Variants in PDZD2 observed in about 807,000 individuals in gnomAD.
The protein encoded by PDZD2 is PDZ domain-containing protein 2.
PDZD2 carries 90 observed loss-of-function variants against 220.7 expected under a neutral mutation model. The observed-to-expected ratio is 0.41, with a 90% CI of 0.34 to 0.49. PDZD2 has a LOEUF of 0.49. PDZD2 is among the 20% of genes least tolerant of loss of function. The pLI, the probability that PDZD2 is intolerant of heterozygous loss-of-function variation, is 0.28. For missense variants in PDZD2, 3,174 were observed against 3,608.5 expected, an observed-to-expected ratio of 0.88 and a Z score of 3.08; for synonymous variants, 1,375 against 1,450.5, an observed-to-expected ratio of 0.95 and a Z score of 1.18.
intron 1 of PDZD2, among the ~76,000 whole-genome samples, chr5:31,776,626 T>TTTATTTA (rs1752670954): frequency 7.1e-6 from 1 of 141,068 alleles, no homozygotes; most frequent in African/African-American, 2.7e-5. Flanking sequence ...TTATTTTTTA[T>TTTATTTA]TTTATTTATT....
Position 32,069,645 on chromosome 5 carries a change from G to T in PDZD2, c.2528G>T (p.Gly843Val), listed in dbSNP as rs373796931. The T allele has an allele frequency of 2.7e-6, 4 of 1,480,292 alleles. No homozygotes were observed. Among genetic ancestry groups the T allele is most frequent in the Non-Finnish European group, 3.8e-6 (4 of 1,057,754 alleles). The allele number at this position is 1,480,292 out of a possible 1,614,324, so 91.7% of individuals were successfully genotyped here. A position where few individuals can be genotyped will look rare whatever the true frequency, so the allele number is the denominator to read the frequency against. Reference sequence around the variant, plus strand: ...AGCAAAGAGGCCAATTCCTCTCCTGGCTTAGGTACTGTAATCTCACATTTT... The same window carrying T: ...AGCAAAGAGGCCAATTCCTCTCCTGTCTTAGGTACTGTAATCTCACATTTT... The part of the protein sequence containing the change: ...QESKEANSSP[G>V]LGTPLKSPSL... Residue 843 changes from glycine (G) to valine (V), a missense_variant, in exon 15 of 25, where the codon GGC becomes GTC. By Grantham distance (109) the Gly-to-Val change is moderately radical. Around this residue, in one of 4 missense-constraint regions of PDZD2, gnomAD observed 1,861 missense variants for 2,001.0 expected, o/e 0.93. Transcript: ENST00000438447.
At chr5:32,100,839 A>C in intron 23 of PDZD2, 1 of 1,464,220 alleles carries the variant, frequency 6.8e-7, no homozygotes, top group Non-Finnish European at 9.2e-7. Context: ...CTTGGGCATA[A>C]AAGCATTTGC....
chr5:31,907,081 G>A (rs1051591683), intron 2 of PDZD2, among the ~76,000 whole-genome samples: 1 of 152,174 alleles, frequency 6.6e-6, no homozygotes, highest in Non-Finnish European at 1.5e-5. Flanking sequence ...GTGGATGATT[G>A]TTTTGTTGAC....
intron 2 of PDZD2, among the ~76,000 whole-genome samples, chr5:31,890,652 T>G (rs1444921884): frequency 6.6e-6 from 1 of 152,150 alleles, no homozygotes; most frequent in Non-Finnish European, 1.5e-5. Context: ...TGGCTTAACA[T>G]CTGGAATCTT....
chr5:31,847,420 G>A, intron 2 of PDZD2: 1 of 517,304 alleles, frequency 1.9e-6, no homozygotes, highest in Non-Finnish European at 3.6e-6. Context: ...CCAAATACAG[G>A]ATGAGAGTTC....
intron 21 of PDZD2, 42 bp downstream of exon 21, chr5:32,093,066 G>A (rs374978592): frequency 6.8e-6 from 7 of 1,030,506 alleles, no homozygotes; most frequent in South Asian, 1.3e-5. Flanking sequence ...AATTGCGGCC[G>A]CGTGAGTGCC....
At chr5:31,857,261 C>T (rs772573517) in intron 2 of PDZD2, among the ~76,000 whole-genome samples, 3 of 152,154 alleles carry the variant, frequency 2.0e-5, no homozygotes, top group Admixed American at 6.5e-5. Flanking sequence ...GAACTCTGTC[C>T]TCCTCCGCTT....
chr5:31,719,954 A>G (rs1350146878), intron 1 of PDZD2, among the ~76,000 whole-genome samples: 2 of 152,386 alleles, frequency 1.3e-5, no homozygotes, highest in East Asian at 1.9e-4. Flanking sequence ...CAGCTCCAGC[A>G]GAGGCAGAAT....
intron 1 of PDZD2, among the ~76,000 whole-genome samples, chr5:31,654,653 T>C (rs1745477502): frequency 6.6e-6 from 1 of 152,164 alleles, no homozygotes; most frequent in Admixed American, 6.5e-5. Flanking sequence ...TTGTTCGCTC[T>C]TTAAAAATCA....
Position 31,689,353 on chromosome 5 carries a change from A to ATATATATATATTTTTTT in PDZD2, c.-361+49917_-361+49918insATATATATATTTTTTTT. ...TACATATACATATATATATATATAT[A>ATATATATATATTTTTTT]TTTTTTTTTTTTTTTTTTTTAAGTC... On this transcript the variant is annotated intron_variant, in intron 1 of 24. Coordinates refer to ENST00000438447, the MANE Select transcript of PDZD2 (RefSeq NM_178140.4). 3.0e-3 allele frequency among the ~76,000 whole-genome samples: 106 copies of ATATATATATATTTTTTT among 35,092 alleles called. 2 individuals are homozygous for ATATATATATATTTTTTT. Among genetic ancestry groups the ATATATATATATTTTTTT allele is most frequent in the African/African-American group, 3.3e-3 (16 of 4,800 alleles). The allele number at this position is 35,092 out of a possible 152,430, so 23.0% of individuals were successfully genotyped here. A position where few individuals can be genotyped will look rare whatever the true frequency, so the allele number is the denominator to read the frequency against.
chr5:31,981,498 C>G (rs1458595974), intron 2 of PDZD2, among the ~76,000 whole-genome samples: 1 of 152,162 alleles, frequency 6.6e-6, no homozygotes, highest in Non-Finnish European at 1.5e-5. Flanking sequence ...TGGCCTCCTT[C>G]CAATGTAATG....
At chr5:32,002,083 G>T (rs767195812) in intron 5 of PDZD2, among the ~76,000 whole-genome samples, 1 of 152,130 alleles carries the variant, frequency 6.6e-6, no homozygotes, top group Non-Finnish European at 1.5e-5. Flanking sequence ...TTGCAAGATC[G>T]ATTGCTGATT....
chr5:31,689,230 G>A (rs1746996459), intron 1 of PDZD2, among the ~76,000 whole-genome samples: 1 of 141,264 alleles, frequency 7.1e-6, no homozygotes, highest in East Asian at 2.1e-4. Context: ...CAGCATGCCT[G>A]GCTAATGTTT....
At chr5:31,845,129 A>G (rs545602290) in intron 2 of PDZD2, among the ~76,000 whole-genome samples, 2 of 152,266 alleles carry the variant, frequency 1.3e-5, no homozygotes, top group East Asian at 3.9e-4. Flanking sequence ...ACTATCAAAC[A>G]TCTCCAGACA....
At chr5:31,966,723 T>C (rs1748795142) in intron 2 of PDZD2, among the ~76,000 whole-genome samples, 1 of 152,210 alleles carries the variant, frequency 6.6e-6, no homozygotes, top group African/African-American at 2.4e-5. Context: ...GAAAGAATTG[T>C]GAAGACAGAT....
At chr5:31,694,398 CAAACAAAA>C (rs938026693) in intron 1 of PDZD2, among the ~76,000 whole-genome samples, 1 of 145,980 alleles carries the variant, frequency 6.9e-6, no homozygotes, top group African/African-American at 2.7e-5. Context: ...TCTCAAAAAA[CAAACAAAA>C]AAACAAAAAA....
intron 1 of PDZD2, among the ~76,000 whole-genome samples, chr5:31,729,756 CAG>C (rs1211682090): frequency 2.0e-5 from 3 of 152,226 alleles, no homozygotes; most frequent in East Asian, 3.9e-4. Flanking sequence ...TCCAAGAGGA[CAG>C]AGAGTGTATC....
intron 18 of PDZD2, among the ~76,000 whole-genome samples, chr5:32,076,758 T>C (rs1741342005): frequency 6.6e-6 from 1 of 152,230 alleles, no homozygotes; most frequent in Admixed American, 6.5e-5. Flanking sequence ...TTATGTTACA[T>C]TTGTGTTACT....
chr5:32,046,616 G>A (rs902247393), intron 7 of PDZD2, among the ~76,000 whole-genome samples: 1 of 152,120 alleles, frequency 6.6e-6, no homozygotes, highest in Non-Finnish European at 1.5e-5. Context: ...AAGACGTACT[G>A]TACTACATTA....
Sources: allele counts gnomAD v4.1 joint callset (sites outside exome capture counted in the v4.1 genomes callset), GRCh38; gene constraint gnomAD v4.1.1; regional missense constraint gnomAD v4.1.1; transcripts MANE v1.5; gene names NCBI Gene and HGNC (gene_info 2026-07-23, HGNC 2026-07-21).